Variants in IQSEC1 observed in about 807,000 individuals in gnomAD.
IQSEC1 encodes IQ motif and SEC7 domain-containing protein 1.
In IQSEC1, 31 loss-of-function variants were observed where a neutral mutation model predicts 91.0. That is an observed-to-expected ratio of 0.34 (90% CI 0.26 to 0.46). The LOEUF (loss-of-function observed/expected upper bound fraction) is 0.46, where lower values mean the gene tolerates loss of function less well. Ranked by LOEUF, IQSEC1 falls within the 20% of genes least tolerant of loss-of-function variation. The pLI is 1.00. For synonymous variants in IQSEC1, 699 were observed against 662.6 expected, an observed-to-expected ratio of 1.05 and a Z score of -0.84; for missense variants, 1,388 against 1,575.6, an observed-to-expected ratio of 0.88 and a Z score of 2.02.
chr3:12,983,527 C>G lies in IQSEC1; in HGVS notation c.24-41662G>C, dbSNP rs941618731. 6.6e-6 allele frequency among the ~76,000 whole-genome samples: 1 copy of G among 152,158 alleles called. No individual in the cohort carries two copies. Among genetic ancestry groups the G allele is most frequent in the Non-Finnish European group, 1.5e-5 (1 of 68,020 alleles). On this transcript the variant is annotated intron_variant, in intron 1 of 13. Transcript: ENST00000613206. The surrounding 1 kb of genome is among the most constrained non-coding windows in gnomAD (Gnocchi z 4.3). ...AACTGCAGCCTGGCCTTCCTAGCCC[C>G]GAGACAGAGCGGCCAGGATGAAGTG...
intron 1 of IQSEC1, among the ~76,000 whole-genome samples, chr3:13,210,474 C>T (rs1428689876): frequency 6.6e-6 from 1 of 152,200 alleles, no homozygotes; most frequent in Non-Finnish European, 1.5e-5. Context: ...GAGGCACCAG[C>T]TGCCAGGCCA....
chr3:13,063,778 C>A (rs964366435), intron 1 of IQSEC1, among the ~76,000 whole-genome samples: 1 of 152,156 alleles, frequency 6.6e-6, no homozygotes, highest in Non-Finnish European at 1.5e-5. Flanking sequence ...TGGTGGGATG[C>A]AGCCTTGGAG....
intron 1 of IQSEC1, among the ~76,000 whole-genome samples, chr3:13,223,955 T>C (rs764175412): frequency 1.3e-5 from 2 of 152,132 alleles, no homozygotes; most frequent in Non-Finnish European, 2.9e-5. Flanking sequence ...CACAAAGCAG[T>C]GCCTCGGAGC....
chr3:13,080,255 G>T (rs955870682), intron 2 of IQSEC1, among the ~76,000 whole-genome samples: 1 of 152,202 alleles, frequency 6.6e-6, no homozygotes, highest in Non-Finnish European at 1.5e-5. Context: ...GGTTGGGATG[G>T]TGAGTCTGGA....
intron 2 of IQSEC1, among the ~76,000 whole-genome samples, chr3:12,938,142 C>T (rs13317739): frequency 0.024 from 3,631 of 152,260 alleles, 150 homozygotes; most frequent in African/African-American, 0.081. Context: ...GCTGGGGTGG[C>T]GTGGGCATGT....
intron 1 of IQSEC1, among the ~76,000 whole-genome samples, chr3:13,268,634 A>G (rs73138160): frequency 0.05 from 7,540 of 152,302 alleles, 618 homozygotes; most frequent in African/African-American, 0.17. Flanking sequence ...ATGTTTCAGG[A>G]GGAAATTAAA....
chr3:13,173,960 G>A (rs953496599), intron 1 of IQSEC1, among the ~76,000 whole-genome samples: 1 of 152,230 alleles, frequency 6.6e-6, no homozygotes, highest in African/African-American at 2.4e-5. Context: ...AACTCCTGCT[G>A]CAGATGGTGT....
chr3:13,032,388 G>A (rs1559731475), intron 1 of IQSEC1, among the ~76,000 whole-genome samples: 1 of 152,192 alleles, frequency 6.6e-6, no homozygotes, highest in Admixed American at 6.5e-5. Flanking sequence ...AGCGCAGGGC[G>A]GCACGGGGAA....
Position 12,967,804 on chromosome 3 carries a change from T to G in IQSEC1, c.24-25939A>C, listed in dbSNP as rs1242565380. 9 of 529,012 alleles carry G rather than the reference T, an allele frequency of 1.7e-5. No individual in the cohort carries two copies. The highest frequency in any genetic ancestry group is 1.6e-4 in the African/African-American group (7 of 43,160). 32.8% of individuals were successfully genotyped at this position (529,012 alleles called of 1,614,324 possible). A position where few individuals can be genotyped will look rare whatever the true frequency, so the allele number is the denominator to read the frequency against. ...CCGGAGGGCGAGCTGGGGGCGGGGC[T>G]GCGCGCGGGGGCGAGACTGCACGGA... On this transcript the variant is annotated intron_variant, in intron 1 of 13. Coordinates refer to ENST00000613206, the MANE Select transcript of IQSEC1 (RefSeq NM_001134382.3). The surrounding 1 kb of genome is among the most constrained non-coding windows in gnomAD (Gnocchi z 5.9).
At chr3:13,078,723 G>A (rs1251828222) in intron 2 of IQSEC1, among the ~76,000 whole-genome samples, 2 of 152,160 alleles carry the variant, frequency 1.3e-5, no homozygotes, top group Non-Finnish European at 2.9e-5. Flanking sequence ...TTAGAGCCAG[G>A]GCAGCTGGAG....
intron 1 of IQSEC1, among the ~76,000 whole-genome samples, chr3:13,227,832 A>G (rs943600616): frequency 6.6e-6 from 1 of 152,202 alleles, no homozygotes; most frequent in Admixed American, 6.5e-5. Flanking sequence ...CACGTGAGGA[A>G]CAGAGACCAC....
At chr3:13,202,276 G>T (rs1276033341) in intron 1 of IQSEC1, among the ~76,000 whole-genome samples, 1 of 152,214 alleles carries the variant, frequency 6.6e-6, no homozygotes, top group Non-Finnish European at 1.5e-5. Flanking sequence ...CAGAATTAAT[G>T]CATGATCCAG....
rs1349124187 is a variant in IQSEC1, at chr3:13,279,580, G to A, written c.272+3131C>T. Among the ~76,000 whole-genome samples the A allele has an allele frequency of 3.9e-4, 60 of 152,210 alleles. 1 individual carries two copies. The highest frequency in any genetic ancestry group is 1.9e-4 in the East Asian group (1 of 5,198). ...GCCAGGCTAACTGTTGTCCCAGGAC[G>A]AGGCTGCTCAGTGATCTCTCAATTG... On this transcript the variant is annotated intron_variant, in intron 1 of 15. Transcript: ENST00000648114.
chr3:12,929,035 G>C (rs1697409626), intron 3 of IQSEC1, among the ~76,000 whole-genome samples: 1 of 152,176 alleles, frequency 6.6e-6, no homozygotes, highest in African/African-American at 2.4e-5. Flanking sequence ...GATACAGACG[G>C]AGATAAAGTC....
At chr3:12,903,674 A>C (rs574210852) in intron 12 of IQSEC1, among the ~76,000 whole-genome samples, 1 of 152,098 alleles carries the variant, frequency 6.6e-6, no homozygotes. Context: ...CAGCCTCCAC[A>C]GTCCCTCCTG....
chr3:13,268,766 G>A (rs1195121339), intron 1 of IQSEC1, among the ~76,000 whole-genome samples: 1 of 152,108 alleles, frequency 6.6e-6, no homozygotes, highest in African/African-American at 2.4e-5. Context: ...AACAATCGTC[G>A]ATTCATTCAA....
intron 1 of IQSEC1, among the ~76,000 whole-genome samples, chr3:13,257,234 T>C (rs1226743978): frequency 6.6e-6 from 1 of 152,102 alleles, no homozygotes; most frequent in Non-Finnish European, 1.5e-5. Flanking sequence ...TTCCAAGTGG[T>C]CATTCTCACG....
At chr3:13,003,268 G>A (rs1156631719) in intron 1 of IQSEC1, among the ~76,000 whole-genome samples, 67 of 93,222 alleles carry the variant, frequency 7.2e-4, no homozygotes, top group African/African-American at 2.7e-3. Context: ...TGAGACCCCT[G>A]TCTCTACCAA....
At chr3:13,076,254 C>G (rs756167595), upstream of IQSEC1, among the ~76,000 whole-genome samples, 11 of 152,186 alleles carry the variant, frequency 7.2e-5, no homozygotes, top group Non-Finnish European at 1.5e-4. Context: ...ATTCAGACAG[C>G]GTTTTCATCC....
Sources: allele counts gnomAD v4.1 joint callset (sites outside exome capture counted in the v4.1 genomes callset), GRCh38; gene constraint gnomAD v4.1.1; non-coding constraint Gnocchi (gnomAD v3.1); transcripts MANE v1.5; gene names NCBI Gene and HGNC (gene_info 2026-07-23, HGNC 2026-07-21).